DISP1: variants seen among roughly 807,000 people sequenced by gnomAD.
DISP1 encodes the protein protein dispatched homolog 1.
Under a neutral mutation model 37.3 loss-of-function variants are expected in DISP1, and 30 were observed. The ratio of observed to expected loss-of-function variants is 0.80; its 90% CI spans 0.60 to 1.09. The LOEUF (loss-of-function observed/expected upper bound fraction) is 1.09. DISP1 is among the 50% of genes least tolerant of loss of function. The pLI, the probability that DISP1 is intolerant of heterozygous loss-of-function variation, is 0.00. For synonymous variants in DISP1, 634 were observed against 690.2 expected (o/e 0.92, Z 1.28); for missense variants, 1,598 against 1,879.5 (o/e 0.85, Z 2.77).
At chr1:222,951,470 C>CAGGGGTAAAATTATAGCTCTGAGCATCA (rs71178515) in intron 3 of DISP1, among the ~76,000 whole-genome samples, 1 of 152,160 alleles carries the variant, frequency 6.6e-6, no homozygotes, top group Non-Finnish European at 1.5e-5. Context: ...CCATGACATC[C>CAGGGGTAAAATTATAGCTCTGAGCATCA]TTTCCCCTCT....
chr1:222,914,070 A>C (rs1479026770), intron 1 of DISP1, among the ~76,000 whole-genome samples: 2 of 150,082 alleles, frequency 1.3e-5, no homozygotes, highest in African/African-American at 2.5e-5. Flanking sequence ...GAAGGAAATC[A>C]TTAAAATCTT....
At position 223,003,326 on chromosome 1, in the gene DISP1, G is replaced by A. The variant is rs1269001551; in HGVS notation, c.1929G>A (p.Val643=). The A allele has an allele frequency of 6.2e-7, 1 of 1,614,014 alleles. No individual in the cohort carries two copies. The highest frequency in any genetic ancestry group is 8.5e-7 in the Non-Finnish European group (1 of 1,180,034). The change falls in exon 9 of 9, where the codon GTG becomes GTA. Residue 643 remains valine (V), a synonymous_variant. Coordinates refer to ENST00000675850, the MANE Select transcript of DISP1 (RefSeq NM_001377229.1). The surrounding 1 kb of genome is among the most constrained non-coding windows in gnomAD (Gnocchi z 4.3). ...FGVYAGTAIL[V]NYVLMVTWLP... is the part of the protein sequence containing the mutation. ...TTTATGCGGGGACAGCTATATTGGT[G>A]AATTACGTTTTGATGGTCACATGGC...
At chr1:222,839,183 A>G (rs1667439817) in intron 1 of DISP1, among the ~76,000 whole-genome samples, 1 of 152,168 alleles carries the variant, frequency 6.6e-6, no homozygotes, top group African/African-American at 2.4e-5. Context: ...GGTAAGTGGC[A>G]GGCCTGAGCT....
At chr1:222,822,949 G>A (rs1398604963) in intron 1 of DISP1, among the ~76,000 whole-genome samples, 1 of 152,114 alleles carries the variant, frequency 6.6e-6, no homozygotes, top group African/African-American at 2.4e-5. Context: ...AAGGAAATCT[G>A]CTTCTCTCGT....
Position 222,908,294 on chromosome 1 carries a change from A to G in DISP1, c.-158-20136A>G, listed in dbSNP as rs139888588. 3.2e-3 allele frequency among the ~76,000 whole-genome samples: 488 copies of G among 152,320 alleles called. 3 individuals carry two copies. Among genetic ancestry groups the G allele is most frequent in the African/African-American group, 0.011 (461 of 41,586 alleles). On this transcript the variant is annotated intron_variant, in intron 1 of 8. Transcript: ENST00000675850. The stretch of plus-strand genomic sequence containing the variant: ...TTGAACACAGGAGTTTGAAGTTGCA[A>G]TGAGCTATGATCATGCCACTGCACT...
intron 1 of DISP1, among the ~76,000 whole-genome samples, chr1:222,857,835 C>T (rs1395236374): frequency 1.3e-5 from 2 of 152,128 alleles, no homozygotes; most frequent in African/African-American, 2.4e-5. Context: ...GAATCAATAT[C>T]GTGAAAATGG....
intron 3 of DISP1, among the ~76,000 whole-genome samples, chr1:222,973,445 CTTA>C (rs1233657368): frequency 2.0e-5 from 3 of 151,876 alleles, no homozygotes; most frequent in Non-Finnish European, 4.4e-5. Flanking sequence ...TGTTTTGAAA[CTTA>C]TTATTTTGTT....
At chr1:222,851,831 G>C (rs894400816) in intron 1 of DISP1, among the ~76,000 whole-genome samples, 1 of 148,922 alleles carries the variant, frequency 6.7e-6, no homozygotes, top group African/African-American at 2.5e-5. Context: ...TGGAACCAAA[G>C]CATTCAGCAT....
At chr1:222,934,247 A>G (rs2789973) in intron 2 of DISP1, among the ~76,000 whole-genome samples, 86,370 of 151,728 alleles carry the variant, frequency 0.57, 24,815 homozygotes, top group South Asian at 0.72. Context: ...TAAAGCATGC[A>G]ATTTGGATTA....
intron 1 of DISP1, among the ~76,000 whole-genome samples, chr1:222,837,878 A>G (rs1301507397): frequency 1.3e-5 from 2 of 152,194 alleles, no homozygotes; most frequent in Non-Finnish European, 2.9e-5. Flanking sequence ...CACAAAGGTT[A>G]GTTTATAGGT....
chr1:222,895,705 A>G (rs1671212113), intron 1 of DISP1, among the ~76,000 whole-genome samples: 1 of 152,240 alleles, frequency 6.6e-6, no homozygotes, highest in Non-Finnish European at 1.5e-5. Flanking sequence ...AATTCAATGG[A>G]GAAGGATCAG....
chr1:222,882,768 G>A (rs143826411), intron 1 of DISP1, among the ~76,000 whole-genome samples: 5 of 151,996 alleles, frequency 3.3e-5, no homozygotes, highest in African/African-American at 1.2e-4. Context: ...TCTATGACAG[G>A]CTAAACTTAC....
At chr1:222,980,631 A>G (rs1308238422) in intron 3 of DISP1, among the ~76,000 whole-genome samples, 1 of 152,194 alleles carries the variant, frequency 6.6e-6, no homozygotes, top group African/African-American at 2.4e-5. Flanking sequence ...AGTTATGGAG[A>G]TATGAATACA....
intron 1 of DISP1, among the ~76,000 whole-genome samples, chr1:222,833,382 T>C (rs1666252138): frequency 6.6e-6 from 1 of 152,182 alleles, no homozygotes; most frequent in Non-Finnish European, 1.5e-5. Flanking sequence ...ATCAATGGTA[T>C]TTAGTGGTAT....
chr1:222,908,096 G>C (rs964927668), intron 1 of DISP1, among the ~76,000 whole-genome samples: 2 of 152,104 alleles, frequency 1.3e-5, no homozygotes, highest in Non-Finnish European at 2.9e-5. Context: ...TTCACGGGTG[G>C]AACAACTCAT....
chr1:222,827,128 A>C (rs979689586), intron 1 of DISP1, among the ~76,000 whole-genome samples: 2 of 152,206 alleles, frequency 1.3e-5, no homozygotes, highest in African/African-American at 2.4e-5. Context: ...AGTTCTTGGC[A>C]TATATGCTGT....
intron 1 of DISP1, among the ~76,000 whole-genome samples, chr1:222,852,651 A>C (rs1023068179): frequency 6.6e-6 from 1 of 152,262 alleles, no homozygotes; most frequent in Non-Finnish European, 1.5e-5. Context: ...TAAAGAAGGA[A>C]ACTATTCCTT....
intron 8 of DISP1, among the ~76,000 whole-genome samples, chr1:223,001,715 C>G (rs1203285712): frequency 3.3e-5 from 5 of 152,154 alleles, no homozygotes; most frequent in Non-Finnish European, 7.3e-5. Context: ...CTTATAAAAG[C>G]ACTACTCCCA....
chr1:222,836,779 A>ACG, intron 1 of DISP1: 1 of 232,226 alleles, frequency 4.3e-6, no homozygotes, highest in Non-Finnish European at 8.2e-6. Context: ...ACACACACAC[A>ACG]CACCTATTGT....
Sources: gnomAD v4.1 joint callset for allele counts (sites outside exome capture counted in the v4.1 genomes callset) on GRCh38, gnomAD v4.1.1 for gene constraint, Gnocchi (gnomAD v3.1) non-coding constraint, MANE v1.5 for transcripts, NCBI Gene and HGNC (gene_info 2026-07-23, HGNC 2026-07-21) for gene names.